FBXW10: variants seen among roughly 807,000 people sequenced by gnomAD.
FBXW10 encodes the protein F-box/WD repeat-containing protein 10.
In FBXW10, 68 loss-of-function variants were observed where a neutral mutation model predicts 113.1. That is an observed-to-expected ratio of 0.60 (90% CI 0.49 to 0.74). The LOEUF (loss-of-function observed/expected upper bound fraction) is 0.74. Among genes scored for constraint, FBXW10 ranks in the 30% least tolerant of loss-of-function variants. FBXW10 has a pLI of 0.00. For missense variants in FBXW10, 753 were observed against 1,284.5 expected (o/e 0.59, Z 6.32); for synonymous variants, 289 against 481.6 (o/e 0.60, Z 5.24).
intron 7 of FBXW10, among the ~76,000 whole-genome samples, chr17:18,763,218 G>A (rs1393138000): frequency 6.6e-6 from 1 of 151,036 alleles, no homozygotes; most frequent in East Asian, 2.0e-4. Context: ...GTGCAGTGGC[G>A]CCATCTCGGC....
intron 4 of FBXW10, among the ~76,000 whole-genome samples, chr17:18,750,660 G>C (rs1049619258): frequency 1.3e-4 from 20 of 152,220 alleles, no homozygotes; most frequent in African/African-American, 4.8e-4. Context: ...GAGGACAGAG[G>C]ATGAGAAGCA....
intron 7 of FBXW10, among the ~76,000 whole-genome samples, chr17:18,758,979 A>G (rs2035327238): frequency 6.6e-6 from 1 of 152,112 alleles, no homozygotes. Context: ...CATCCTGGCT[A>G]ACATGGTGAA....
chr17:18,767,532 A>T (rs2035521638), intron 9 of FBXW10, among the ~76,000 whole-genome samples: 1 of 151,934 alleles, frequency 6.6e-6, no homozygotes, highest in Non-Finnish European at 1.5e-5. Context: ...ATGAACAGAG[A>T]ATTTTTTTTT....
chr17:18,777,162 A>G (rs2035717186), intron 13 of FBXW10, among the ~76,000 whole-genome samples: 1 of 150,846 alleles, frequency 6.6e-6, no homozygotes, highest in Non-Finnish European at 1.5e-5. Flanking sequence ...CCTGAGTTCA[A>G]GCGATTCTCC....
rs1203434756 is a variant in FBXW10 at position 18,744,430 on chromosome 17, G to A, written c.186G>A (p.Lys62=). 1 of 1,613,736 alleles carries A rather than the reference G, an allele frequency of 6.2e-7. No homozygotes were observed. The highest frequency in any genetic ancestry group is 1.1e-5 in the South Asian group (1 of 91,068). The change falls in exon 1 of 14, where the codon AAG becomes AAA. Residue 62 remains lysine (K), a synonymous_variant. Transcript: ENST00000395665. The stretch of plus-strand genomic sequence containing the variant: ...GGAGGTTTCTAGTTGGCATTCTGAA[G>A]CAGTTAAATAGCTTATATTTGTTAC... The part of the protein sequence containing the change: ...SQRRFLVGIL[K]QLNSLYLLHY...
At chr17:18,764,369 C>A (rs1288391544) in intron 7 of FBXW10, among the ~76,000 whole-genome samples, 3 of 151,808 alleles carry the variant, frequency 2.0e-5, no homozygotes, top group African/African-American at 7.3e-5. Context: ...GCCCAGCTAA[C>A]TTTTGTATTT....
chr17:18,756,068 A>G lies in FBXW10; in HGVS notation c.1146A>G (p.Ala382=). 6.2e-7 allele frequency: 1 copy of G among 1,613,932 alleles called. No homozygotes were observed. Among genetic ancestry groups the G allele is most frequent in the Non-Finnish European group, 8.5e-7 (1 of 1,179,850 alleles). Reference sequence around the variant, plus strand: ...AGAATGAGTACAACCTGTGGACTGCATACCAGAACGAGGAAACGCAGCAGG... The same window carrying G: ...AGAATGAGTACAACCTGTGGACTGCGTACCAGAACGAGGAAACGCAGCAGG... ...RTKNEYNLWT[A]YQNEETQQVL... Residue 382 remains alanine, a synonymous_variant, in exon 6 of 14, where the codon GCA becomes GCG. Coordinates refer to ENST00000395665, the MANE Select transcript of FBXW10 (RefSeq NM_001267585.2).
rs2034999964 is a variant in FBXW10, at chr17:18,744,506, A to C, written c.262A>C (p.Asn88His). Reference protein sequence around the residue: ...QTTQGKDFIYNRSRINLSKKE... With the variant: ...QTTQGKDFIYHRSRINLSKKE... ...CACACAGGGAAAGGATTTCATCTAT[A>C]ACAGGTCCCGGATCAACCTCAGCAA... The change falls in exon 1 of 14, where the codon AAC becomes CAC. Residue 88 changes from asparagine to histidine, a missense_variant. By Grantham distance (68) the Asn-to-His change is moderately conservative. Coordinates refer to ENST00000395665, the MANE Select transcript of FBXW10 (RefSeq NM_001267585.2). 1.9e-6 allele frequency: 3 copies of C among 1,613,844 alleles called. No individual in the cohort carries two copies.
At chr17:18,746,919 C>CTTT (rs1166761219) in intron 1 of FBXW10, among the ~76,000 whole-genome samples, 7 of 129,132 alleles carry the variant, frequency 5.4e-5, no homozygotes, top group South Asian at 2.5e-4. Context: ...TGGCAACCTT[C>CTTT]TTTTTTTTTT....
chr17:18,746,024 T>C (rs941570313), intron 1 of FBXW10, among the ~76,000 whole-genome samples: 2 of 152,172 alleles, frequency 1.3e-5, no homozygotes, highest in Admixed American at 6.5e-5. Context: ...CTTCCACTTA[T>C]GGTGGAATGC....
chr17:18,768,493 G>A, intron 9 of FBXW10, 41 bp from the exon 10 acceptor site: 2 of 1,608,874 alleles, frequency 1.2e-6, no homozygotes, highest in Non-Finnish European at 1.7e-6. Context: ...TCTTGGAGGA[G>A]TCACAGTCTG....
At chr17:18,769,135 C>T (rs1396982701) in intron 10 of FBXW10, among the ~76,000 whole-genome samples, 12 of 151,840 alleles carry the variant, frequency 7.9e-5, no homozygotes, top group Admixed American at 1.3e-4. Flanking sequence ...TGGGGTTTCA[C>T]GGTGTTAGCC....
intron 12 of FBXW10, among the ~76,000 whole-genome samples, chr17:18,772,928 CTT>C (rs940811811): frequency 1.9e-4 from 26 of 135,584 alleles, no homozygotes; most frequent in Admixed American, 2.2e-4. Context: ...TTCTTTCTTT[CTT>C]TTTTTTTTTT....
At position 18,756,059 on chromosome 17, in the gene FBXW10, G is replaced by C. The variant is rs771918107; in HGVS notation, c.1137G>C (p.Leu379=). ...WKLRTKNEYN[L]WTAYQNEETQ... is the part of the protein sequence containing the mutation. ...TCCCTTGTTAGAATGAGTACAACCT[G>C]TGGACTGCATACCAGAACGAGGAAA... Residue 379 remains leucine, a synonymous_variant, in exon 6 of 14, where the codon CTG becomes CTC. Coordinates refer to ENST00000395665, the MANE Select transcript of FBXW10 (RefSeq NM_001267585.2). 1.9e-5 allele frequency: 31 copies of C among 1,613,794 alleles called. 1 individual carries two copies. The South Asian group carries it at 3.0e-4, about 15-fold the overall frequency.
chr17:18,768,778 T>A lies in FBXW10; in HGVS notation c.1847+102T>A, dbSNP rs2035553548. On this transcript the variant is annotated intron_variant, in intron 10 of 13. Coordinates refer to ENST00000395665, the MANE Select transcript of FBXW10 (RefSeq NM_001267585.2). ...GCAGACCTTCTGCTCCCTGTAGACA[T>A]CGTGTTCTCTGCACCTCACCCTCTC... is the stretch of plus-strand genomic sequence containing the variant. 3 of 1,210,222 alleles carry A rather than the reference T, an allele frequency of 2.5e-6. No individual in the cohort carries two copies. The Admixed American group carries it at 6.3e-5, about 25-fold the overall frequency. The allele number at this position is 1,210,222 out of a possible 1,614,324, so 75.0% of individuals were successfully genotyped here. A position where few individuals can be genotyped will look rare whatever the true frequency, so the allele number is the denominator to read the frequency against.
chr17:18,763,180 A>G (rs186117677), intron 7 of FBXW10, among the ~76,000 whole-genome samples: 13,128 of 150,810 alleles, frequency 0.087, 655 homozygotes, highest in African/African-American at 0.13. Context: ...TTTTTGAGAC[A>G]GAGTCTCACT....
intron 1 of FBXW10, among the ~76,000 whole-genome samples, chr17:18,746,239 G>A (rs1249950099): frequency 6.6e-6 from 1 of 152,108 alleles, no homozygotes; most frequent in African/African-American, 2.4e-5. Context: ...CCAGCACTGG[G>A]GGTCACATTT....
At chr17:18,758,809 C>T (rs1207266047) in intron 7 of FBXW10, among the ~76,000 whole-genome samples, 2 of 76,336 alleles carry the variant, frequency 2.6e-5, no homozygotes, top group African/African-American at 9.5e-5. Context: ...TTCTTACAGA[C>T]TCTTTCAGGG....
In FBXW10 at chr17:18,775,168, A is replaced by G; in HGVS notation, c.2311A>G (p.Lys771Glu). 1 of 1,610,930 alleles carries G rather than the reference A, an allele frequency of 6.2e-7. No homozygotes were observed. The change falls in exon 13 of 14, where the codon AAG becomes GAG. Residue 771 changes from lysine (K) to glutamate (E), a missense_variant. Physicochemically the swap from Lys to Glu is moderately conservative, Grantham distance 56. Transcript: ENST00000395665. Reference sequence around the variant, plus strand: ...AATAGAGGAACTTCAAAGTCAAGGAAAGTCAAAATCACCCCGAAGAGATGG... The same window carrying G: ...AATAGAGGAACTTCAAAGTCAAGGAGAGTCAAAATCACCCCGAAGAGATGG... ...VLIEELQSQG[K>E]SKSPRRDADD...
Sources: gnomAD v4.1 joint callset for allele counts (sites outside exome capture counted in the v4.1 genomes callset) on GRCh38, gnomAD v4.1.1 for gene constraint, MANE v1.5 for transcripts, NCBI Gene and HGNC (gene_info 2026-07-23, HGNC 2026-07-21) for gene names.